SNX29: variants seen among roughly 807,000 people sequenced by gnomAD.
The protein encoded by SNX29 is sorting nexin 29.
A neutral mutation model predicts 102.1 loss-of-function variants in SNX29; 78 were observed. That is an observed-to-expected ratio of 0.76 (90% CI 0.64 to 0.92). The LOEUF (loss-of-function observed/expected upper bound fraction) is 0.92. SNX29 is among the 40% of genes least tolerant of loss of function. SNX29 has a pLI of 0.00. For synonymous variants in SNX29, 580 were observed against 414.5 expected (o/e 1.40, Z -4.85); for missense variants, 1,280 against 1,061.7 (o/e 1.21, Z -2.86).
intron 19 of SNX29, among the ~76,000 whole-genome samples, chr16:12,492,310 T>G (rs1245624844): frequency 6.6e-6 from 1 of 152,282 alleles, no homozygotes; most frequent in Non-Finnish European, 1.5e-5. Context: ...ATGTGTTTTT[T>G]GGCTGCATAA....
intron 1 of SNX29, among the ~76,000 whole-genome samples, chr16:11,988,188 G>T (rs2055705482): frequency 6.6e-6 from 1 of 151,856 alleles, no homozygotes; most frequent in Non-Finnish European, 1.5e-5. Flanking sequence ...CAGCTACTCA[G>T]GAGGCTGAGG....
chr16:12,562,183 C>T (rs1354345135), intron 20 of SNX29, among the ~76,000 whole-genome samples: 1 of 152,146 alleles, frequency 6.6e-6, no homozygotes. Context: ...CTGACCTGAG[C>T]ATAGGGTTCA....
rs79260714 is a variant in SNX29, at chr16:12,190,858, C to T, written c.1596-8743C>T. Among the ~76,000 whole-genome samples the T allele has an allele frequency of 4.9e-4, 74 of 152,236 alleles. 1 individual carries two copies. The East Asian group carries it at 0.013, about 27-fold the overall frequency. On this transcript the variant is annotated intron_variant, in intron 13 of 20. Transcript: ENST00000566228. ...CCCGGGAGGAGCCTTTCCAAGATGA[C>T]GCTGGGGGAAAGTGCTCTGGAAGGT...
intron 14 of SNX29, among the ~76,000 whole-genome samples, chr16:12,225,524 C>T (rs905026967): frequency 1.2e-4 from 18 of 152,318 alleles, no homozygotes; most frequent in African/African-American, 4.1e-4. Context: ...ATTTGCTCCT[C>T]CTTCTGCCAT....
Position 12,524,858 on chromosome 16 carries a change from C to G in SNX29, c.2318+17C>G, listed in dbSNP as rs73508538. On this transcript the variant is annotated intron_variant, in intron 20 of 20. Transcript: ENST00000566228. ...CTTCTTCGTGTAAGTACTGCTCCCACGGACATGGGCCGCCAGCCCTGCCAG... is the reference window on the plus strand; with the variant it reads ...CTTCTTCGTGTAAGTACTGCTCCCAGGGACATGGGCCGCCAGCCCTGCCAG... 6 of 1,604,220 alleles carry G rather than the reference C, an allele frequency of 3.7e-6. No homozygotes were observed. Among genetic ancestry groups the G allele is most frequent in the Non-Finnish European group, 4.3e-6 (5 of 1,174,240 alleles).
intron 15 of SNX29, among the ~76,000 whole-genome samples, chr16:12,293,706 T>C (rs990020843): frequency 6.6e-6 from 1 of 152,218 alleles, no homozygotes; most frequent in African/African-American, 2.4e-5. Flanking sequence ...TAATCCACTT[T>C]GGGGGAATAT....
chr16:12,086,797 G>A (rs182856773), intron 11 of SNX29: 13 of 152,036 alleles, frequency 8.6e-5, no homozygotes, highest in South Asian at 2.1e-4. Context: ...CTTAATTTGC[G>A]GCAACAATGT....
chr16:12,509,320 C>T lies in SNX29; in HGVS notation c.2179-15382C>T, dbSNP rs139891711. On this transcript the variant is annotated intron_variant, in intron 19 of 20. Transcript: ENST00000566228. ...CATGCCATCTGTCAGCCCAGCGAGC[C>T]CCTCAGCTGGTCCAGGGCCCACACC... Among the ~76,000 whole-genome samples the T allele has an allele frequency of 6.0e-4, 92 of 152,260 alleles. 1 individual carries two copies. In the South Asian group the frequency reaches 0.01, roughly 17 times the overall value.
chr16:12,437,403 G>A (rs564725866), intron 18 of SNX29, among the ~76,000 whole-genome samples: 69 of 152,356 alleles, frequency 4.5e-4, no homozygotes, highest in African/African-American at 1.4e-3. Flanking sequence ...GTCAGGTTCA[G>A]ATGGCTGTGA....
At chr16:12,361,843 T>C (rs1358954631) in intron 16 of SNX29, among the ~76,000 whole-genome samples, 1 of 152,164 alleles carries the variant, frequency 6.6e-6, no homozygotes, top group Non-Finnish European at 1.5e-5. Context: ...GAAATAAATT[T>C]CTTCCTTTCT....
At chr16:12,153,047 A>G (rs934533049) in intron 13 of SNX29, among the ~76,000 whole-genome samples, 3 of 152,164 alleles carry the variant, frequency 2.0e-5, no homozygotes, top group African/African-American at 4.8e-5. Flanking sequence ...AGTCGTGTCT[A>G]TTACTATAGC....
At chr16:12,179,194 G>A (rs2076327770) in intron 13 of SNX29, among the ~76,000 whole-genome samples, 1 of 152,126 alleles carries the variant, frequency 6.6e-6, no homozygotes, top group Non-Finnish European at 1.5e-5. Context: ...TAAAAATATT[G>A]GCTTGTGAGG....
At chr16:12,414,613 C>T (rs920297076) in intron 18 of SNX29, among the ~76,000 whole-genome samples, 20 of 152,306 alleles carry the variant, frequency 1.3e-4, no homozygotes, top group African/African-American at 4.6e-4. Context: ...TTTCTGCTCC[C>T]TCACCTGAAG....
chr16:12,193,564 C>G (rs987109501), intron 13 of SNX29, among the ~76,000 whole-genome samples: 5 of 151,878 alleles, frequency 3.3e-5, no homozygotes, highest in Admixed American at 3.3e-4. Flanking sequence ...TCTAAGAAAT[C>G]TTCTTTGTCT....
intron 2 of SNX29, 40 bp downstream of exon 2, chr16:11,999,398 T>C: frequency 6.3e-7 from 1 of 1,596,268 alleles, no homozygotes; most frequent in Non-Finnish European, 8.6e-7. Flanking sequence ...GGTCGAGTAA[T>C]AGTGTCAGAT....
At chr16:12,540,074 A>G (rs533236041) in intron 20 of SNX29, among the ~76,000 whole-genome samples, 2 of 152,300 alleles carry the variant, frequency 1.3e-5, no homozygotes, top group African/African-American at 4.8e-5. Flanking sequence ...TTTTGGTGTC[A>G]TGTCTACCAA....
intron 14 of SNX29, among the ~76,000 whole-genome samples, chr16:12,263,869 T>C (rs2078850301): frequency 6.6e-6 from 1 of 152,160 alleles, no homozygotes; most frequent in Non-Finnish European, 1.5e-5. Context: ...GTTTCATGGG[T>C]TCTGAGAAGC....
chr16:12,321,658 G>A (rs554207954), intron 15 of SNX29, among the ~76,000 whole-genome samples: 3 of 152,290 alleles, frequency 2.0e-5, no homozygotes, highest in South Asian at 2.1e-4. Context: ...GAAAGCGCAC[G>A]CTGGAGTGAG....
At chr16:12,080,292 G>A (rs1596802111) in intron 11 of SNX29, among the ~76,000 whole-genome samples, 1 of 152,212 alleles carries the variant, frequency 6.6e-6, no homozygotes, top group South Asian at 2.1e-4. Flanking sequence ...TTTGATTCAA[G>A]GGTGAAGCAG....
Sources: gnomAD v4.1 joint callset for allele counts (sites outside exome capture counted in the v4.1 genomes callset) on GRCh38, gnomAD v4.1.1 for gene constraint, MANE v1.5 for transcripts, NCBI Gene and HGNC (gene_info 2026-07-23, HGNC 2026-07-21) for gene names.